Variants in DGKI observed in about 807,000 individuals in gnomAD.
DGKI encodes DAG kinase iota.
In DGKI, 55 loss-of-function variants were observed where a neutral mutation model predicts 147.5. The ratio of observed to expected loss-of-function variants is 0.37; its 90% confidence interval spans 0.30 to 0.47. The LOEUF (loss-of-function observed/expected upper bound fraction) is 0.47, where lower values mean the gene tolerates loss of function less well. Ranked by LOEUF, DGKI falls within the 20% of genes least tolerant of loss-of-function variation. The probability of loss-of-function intolerance (pLI) is 1.00; values close to 1 mark genes in which losing one functional copy is unlikely to be tolerated. For missense variants in DGKI, 1,007 were observed against 1,323.8 expected, an observed-to-expected ratio of 0.76 and a Z score of 3.71; for synonymous variants, 469 against 477.1, an observed-to-expected ratio of 0.98 and a Z score of 0.22.
At chr7:137,741,758 A>T (rs1486465255) in intron 1 of DGKI, among the ~76,000 whole-genome samples, 1 of 152,182 alleles carries the variant, frequency 6.6e-6, no homozygotes, top group Non-Finnish European at 1.5e-5. Flanking sequence ...CTCTCAACAA[A>T]TTTGTATGCT....
chr7:137,463,458 CAG>C, intron 27 of DGKI, 29 bp downstream of exon 27: 1 of 1,611,004 alleles, frequency 6.2e-7, no homozygotes, highest in Non-Finnish European at 8.5e-7. Flanking sequence ...CACAGTGGCA[CAG>C]AGGAAAAGAA....
intron 20 of DGKI, among the ~76,000 whole-genome samples, chr7:137,551,069 T>C (rs1053716907): frequency 6.6e-6 from 1 of 152,142 alleles, no homozygotes; most frequent in East Asian, 1.9e-4. Context: ...GCGAGGAGTT[T>C]CACTAAATGC....
intron 1 of DGKI, among the ~76,000 whole-genome samples, chr7:137,803,093 A>G (rs1797263606): frequency 6.6e-6 from 1 of 152,232 alleles, no homozygotes; most frequent in Non-Finnish European, 1.5e-5. Context: ...TGCATTAAGG[A>G]AAGATCCATA....
chr7:137,556,104 T>C (rs1646381), intron 19 of DGKI, among the ~76,000 whole-genome samples: 2 of 151,986 alleles, frequency 1.3e-5, no homozygotes, highest in African/African-American at 2.4e-5. Flanking sequence ...GTACATTAAT[T>C]ATTTAAATGA....
At chr7:137,459,710 G>A (rs1205602890) in intron 27 of DGKI, among the ~76,000 whole-genome samples, 5 of 151,678 alleles carry the variant, frequency 3.3e-5, no homozygotes, top group South Asian at 4.2e-4. Flanking sequence ...TCCTGACCTC[G>A]TGATCCACCC....
intron 10 of DGKI, among the ~76,000 whole-genome samples, chr7:137,603,187 G>GA (rs1382646840): frequency 6.6e-6 from 1 of 152,146 alleles, no homozygotes; most frequent in Non-Finnish European, 1.5e-5. Context: ...TTCTCAGAAG[G>GA]AAGTTCCATG....
chr7:137,613,715 T>C (rs1453288884), intron 8 of DGKI, among the ~76,000 whole-genome samples: 1 of 152,164 alleles, frequency 6.6e-6, no homozygotes, highest in Non-Finnish European at 1.5e-5. Flanking sequence ...AGTAGGCAGA[T>C]GGATCAATAA....
chr7:137,560,442 C>A (rs113316822), intron 19 of DGKI, among the ~76,000 whole-genome samples: 1,577 of 152,182 alleles, frequency 0.01, 20 homozygotes, highest in African/African-American at 0.036. Flanking sequence ...ACCTTTAGGT[C>A]CAAGGAGACC....
Position 137,623,569 on chromosome 7 carries a change from C to G in DGKI, c.805-15G>C. On this transcript the variant is annotated splice_polypyrimidine_tract_variant and intron_variant, in intron 6 of 32. Coordinates refer to ENST00000614521, the MANE Select transcript of DGKI (RefSeq NM_001321708.2). The stretch of plus-strand genomic sequence containing the variant: ...TGCTGGAAGCCCTGGGATATTAGAA[C>G]AAGAGACAGATAATTTAAAACCACC... 6.2e-7 allele frequency: 1 copy of G among 1,610,538 alleles called. No homozygotes were observed. Among genetic ancestry groups the G allele is most frequent in the Non-Finnish European group, 8.5e-7 (1 of 1,176,826 alleles).
chr7:137,657,141 G>A (rs1822254735), intron 3 of DGKI, among the ~76,000 whole-genome samples: 1 of 152,174 alleles, frequency 6.6e-6, no homozygotes, highest in Non-Finnish European at 1.5e-5. Flanking sequence ...ACAATAATAA[G>A]AATAGCAACA....
At chr7:137,798,382 C>T (rs542770169) in intron 1 of DGKI, among the ~76,000 whole-genome samples, 2 of 152,048 alleles carry the variant, frequency 1.3e-5, no homozygotes, top group African/African-American at 2.4e-5. Flanking sequence ...ACCAAAGCAT[C>T]GCAAAAAAGA....
intron 20 of DGKI, among the ~76,000 whole-genome samples, chr7:137,529,352 T>C (rs988722856): frequency 4.6e-5 from 7 of 152,148 alleles, no homozygotes; most frequent in African/African-American, 1.7e-4. Context: ...AAAAAATCTA[T>C]GCTTTTGAGC....
intron 1 of DGKI, among the ~76,000 whole-genome samples, chr7:137,745,245 C>T (rs1248023675): frequency 6.6e-6 from 1 of 152,112 alleles, no homozygotes; most frequent in African/African-American, 2.4e-5. Flanking sequence ...TTTGATGACC[C>T]CTTTGTTTAT....
intron 1 of DGKI, among the ~76,000 whole-genome samples, chr7:137,831,672 C>A (rs1776936566): frequency 6.6e-6 from 1 of 152,196 alleles, no homozygotes; most frequent in South Asian, 2.1e-4. Context: ...TATCATTCCA[C>A]CACTGGCCCC....
intron 1 of DGKI, among the ~76,000 whole-genome samples, chr7:137,779,098 AT>A (rs1796444266): frequency 1.3e-5 from 2 of 152,234 alleles, no homozygotes; most frequent in South Asian, 4.1e-4. Context: ...ATGACTTGAA[AT>A]TTACTTTAAA....
At chr7:137,762,799 G>T (rs776395414) in intron 1 of DGKI, among the ~76,000 whole-genome samples, 2 of 152,096 alleles carry the variant, frequency 1.3e-5, no homozygotes, top group South Asian at 4.2e-4. Flanking sequence ...TACAGGATAC[G>T]TCTGCCTCCT....
chr7:137,409,151 G>T (rs1812070516), intron 29 of DGKI, among the ~76,000 whole-genome samples: 1 of 152,046 alleles, frequency 6.6e-6, no homozygotes, highest in South Asian at 2.1e-4. Context: ...TGAGGTGGTG[G>T]ATATGCTAAT....
intron 23 of DGKI, among the ~76,000 whole-genome samples, chr7:137,480,347 T>A (rs1815330040): frequency 6.6e-6 from 1 of 152,180 alleles, no homozygotes; most frequent in Admixed American, 6.6e-5. Context: ...ATTGAAGGAC[T>A]CTTCTAGACT....
At chr7:137,839,581 G>T (rs550778506) in intron 1 of DGKI, among the ~76,000 whole-genome samples, 2 of 152,318 alleles carry the variant, frequency 1.3e-5, no homozygotes, top group East Asian at 3.9e-4. Context: ...AAGACACAGA[G>T]AGGTTAAGTA....
Sources: allele counts gnomAD v4.1 joint callset (sites outside exome capture counted in the v4.1 genomes callset), GRCh38; gene constraint gnomAD v4.1.1; transcripts MANE v1.5; gene names NCBI Gene and HGNC (gene_info 2026-07-23, HGNC 2026-07-21).